The following ERCC4 variants were observed in gnomAD, a reference collection of about 807,000 sequenced individuals.
ERCC4 encodes the protein ERCC excision repair 4, endonuclease catalytic subunit, also known as DNA repair endonuclease XPF.
ERCC4 carries 65 observed loss-of-function variants against 76.9 expected under a neutral mutation model. The observed-to-expected ratio is 0.84, with a 90% CI of 0.69 to 1.04. The LOEUF (loss-of-function observed/expected upper bound fraction) is 1.04, where lower values mean the gene tolerates loss of function less well. Ranked by LOEUF, ERCC4 falls within the 50% of genes least tolerant of loss-of-function variation. The pLI, the probability that ERCC4 is intolerant of heterozygous loss-of-function variation, is 0.00. For missense variants in ERCC4, 1,214 were observed against 1,128.2 expected (o/e 1.08, Z -1.09); for synonymous variants, 463 against 410.1 (o/e 1.13, Z -1.56).
Position 13,948,176 on chromosome 16 carries a change from C to G in ERCC4, c.2580C>G (p.Ala860=). The change falls in exon 11 of 11, where the codon GCC becomes GCG. Residue 860 remains alanine (A), a synonymous_variant. Coordinates refer to ENST00000311895, the MANE Select transcript of ERCC4 (RefSeq NM_005236.3). The part of the protein sequence containing the change: ...DFLLKMPGVN[A]KNCRSLMHHV... ...TGTTAAAAATGCCAGGGGTGAATGC[C>G]AAAAACTGCCGCTCCTTGATGCACC... The G allele has an allele frequency of 1.2e-6, 2 of 1,614,092 alleles. No homozygotes were observed. The highest frequency in any genetic ancestry group is 1.7e-6 in the Non-Finnish European group (2 of 1,180,022).
At position 13,947,901 on chromosome 16, in the gene ERCC4, C is replaced by G; in HGVS notation, c.2305C>G (p.Leu769Val). 3 of 1,614,200 alleles carry G rather than the reference C, an allele frequency of 1.9e-6. No homozygotes were observed. Among genetic ancestry groups the G allele is most frequent in the Non-Finnish European group, 2.5e-6 (3 of 1,180,040 alleles). The stretch of plus-strand genomic sequence containing the variant: ...GTTTGACCCTAGCAAGCCTTTCTCT[C>G]TCACTTCCCGAGGTGCCTTGTTTCA... ...IEFDPSKPFS[L>V]TSRGALFQEI... is the part of the protein sequence containing the mutation. The change falls in exon 11 of 11, where the codon CTC becomes GTC. Residue 769 changes from leucine to valine, a missense_variant. Transcript: ENST00000311895.
At position 13,948,016 on chromosome 16, in the gene ERCC4, A is replaced by G; in HGVS notation, c.2420A>G (p.His807Arg). 1.2e-6 allele frequency: 2 copies of G among 1,614,074 alleles called. No individual in the cohort carries two copies. The highest frequency in any genetic ancestry group is 1.7e-6 in the Non-Finnish European group (2 of 1,180,006). Reference sequence around the variant, plus strand: ...CGGATTCTCTGGTGCCCCTCTCCTCATGCAACGGCGGAGTTGTTTGAGGAG... The same window carrying G: ...CGGATTCTCTGGTGCCCCTCTCCTCGTGCAACGGCGGAGTTGTTTGAGGAG... The part of the protein sequence containing the change: ...RLRILWCPSP[H>R]ATAELFEELK... The change falls in exon 11 of 11, where the codon CAT becomes CGT. Residue 807 changes from histidine to arginine, a missense_variant. By Grantham distance (29) the His-to-Arg change is conservative. Coordinates refer to ENST00000311895, the MANE Select transcript of ERCC4 (RefSeq NM_005236.3).
Position 13,949,793 on chromosome 16 carries a change from G to A in ERCC4, c.*1446G>A, listed in dbSNP as rs931846363. On this transcript the variant is annotated 3_prime_UTR_variant, in exon 11 of 11. Transcript: ENST00000311895. ...GGCTTTTGTTCACATGTTGAGTAAT[G>A]GGTAGTAAATTTTCTACCTCAGGAG... 4.3e-6 allele frequency: 1 copy of A among 231,702 alleles called. No homozygotes were observed. Among genetic ancestry groups the A allele is most frequent in the African/African-American group, 2.2e-5 (1 of 45,208 alleles). 14.4% of individuals were successfully genotyped at this position (231,702 alleles called of 1,614,324 possible). A position where few individuals can be genotyped will look rare whatever the true frequency, so the allele number is the denominator to read the frequency against.
chr16:13,935,101 G>A (rs2141606677), intron 7 of ERCC4, 45 bp from the exon 8 acceptor site: 1 of 1,415,788 alleles, frequency 7.1e-7, no homozygotes, highest in Non-Finnish European at 1.0e-6. Flanking sequence ...GAAACTAGGA[G>A]GACAAGTGAG....
intron 8 of ERCC4, among the ~76,000 whole-genome samples, chr16:13,937,488 T>G (rs535992722): frequency 6.6e-5 from 10 of 152,316 alleles, no homozygotes; most frequent in African/African-American, 2.4e-4. Context: ...GAGGAGAGAA[T>G]TATTCTATCC....
intron 5 of ERCC4, chr16:13,931,384 C>T (rs2032168630): frequency 6.2e-6 from 1 of 162,594 alleles, no homozygotes; most frequent in African/African-American, 2.4e-5. Context: ...CAGCGGTTTT[C>T]AAAGTGTGGT....
intron 9 of ERCC4, among the ~76,000 whole-genome samples, chr16:13,943,251 C>A (rs1157282081): frequency 6.6e-6 from 1 of 152,106 alleles, no homozygotes; most frequent in Non-Finnish European, 1.5e-5. Context: ...GTGTATTAGT[C>A]CATTTTCATA....
At chr16:13,924,228 C>G (rs1381604708) in intron 2 of ERCC4, among the ~76,000 whole-genome samples, 2 of 152,298 alleles carry the variant, frequency 1.3e-5, no homozygotes, top group East Asian at 3.9e-4. Flanking sequence ...AACTTCTTCA[C>G]CTGTCACCAC....
chr16:13,933,953 C>T, intron 6 of ERCC4: 1 of 435,448 alleles, frequency 2.3e-6, no homozygotes, highest in East Asian at 4.2e-5. Flanking sequence ...CATTAGTGAC[C>T]ATGCATATAA....
Position 13,920,330 on chromosome 16 carries a change from AGCCTGCCTGGTGCTG to A in ERCC4, c.167_181del (p.Ala56_Leu60del). ...ACTTTCTCCAGCTGCACTGCCACCC[AGCCTGCCTGGTGCTG>A]GTGCTCAACACGCAGCCGGCCGAGG... On this transcript the variant is annotated inframe_deletion, in exon 1 of 11. Coordinates refer to ENST00000311895, the MANE Select transcript of ERCC4 (RefSeq NM_005236.3). 1 of 1,598,984 alleles carries A rather than the reference AGCCTGCCTGGTGCTG, an allele frequency of 6.3e-7. No individual in the cohort carries two copies. The highest frequency in any genetic ancestry group is 8.5e-7 in the Non-Finnish European group (1 of 1,178,800).
rs3136164 is a variant in ERCC4, at chr16:13,938,014, A to C, written c.1904+156A>C. Reference sequence around the variant, plus strand: ...TGTGGTCTGAATTGTCCTCCAGTGTAGATCTCAGCACATACTTCCTTTTTC... The same window carrying C: ...TGTGGTCTGAATTGTCCTCCAGTGTCGATCTCAGCACATACTTCCTTTTTC... On this transcript the variant is annotated intron_variant, in intron 9 of 10. Transcript: ENST00000311895. Among the ~76,000 whole-genome samples the C allele has an allele frequency of 0.036, 5,509 of 152,092 alleles. 321 individuals are homozygous for C. Among genetic ancestry groups the C allele is most frequent in the African/African-American group, 0.12 (5,132 of 41,452 alleles).
At chr16:13,932,466 G>A (rs1353090967) in intron 6 of ERCC4, 181 bp downstream of exon 6, 8 of 635,824 alleles carry the variant, frequency 1.3e-5, no homozygotes, top group Non-Finnish European at 2.2e-5. Flanking sequence ...TAAAGTATAT[G>A]TGTAATGTAT....
At chr16:13,945,720 C>T (rs1470389608) in intron 10 of ERCC4, among the ~76,000 whole-genome samples, 1 of 152,172 alleles carries the variant, frequency 6.6e-6, no homozygotes. Context: ...AACATTGCCT[C>T]AGAGCCTCTG....
rs759528420 is a variant in ERCC4 at position 13,944,674 on chromosome 16, AGAATTTT to A, written c.1905-45_1905-39del. ...CTACAATTTACACACAATAAAATCT[AGAATTTT>A]GAAATTTGTTTCAGAAGTGTTGACA... On this transcript the variant is annotated intron_variant, in intron 9 of 10. Transcript: ENST00000311895. 2.5e-5 allele frequency: 31 copies of A among 1,228,514 alleles called. No homozygotes were observed. In the Admixed American group the frequency reaches 4.2e-4, roughly 17 times the overall value. 76.1% of individuals were successfully genotyped at this position (1,228,514 alleles called of 1,614,324 possible). A position where few individuals can be genotyped will look rare whatever the true frequency, so the allele number is the denominator to read the frequency against.
At chr16:13,929,314 T>C (rs1231400838) in intron 4 of ERCC4, among the ~76,000 whole-genome samples, 1 of 152,208 alleles carries the variant, frequency 6.6e-6, no homozygotes, top group Non-Finnish European at 1.5e-5. Context: ...AAAAAAGGCA[T>C]GTAGTTATAT....
Position 13,948,406 on chromosome 16 carries a change from A to G in ERCC4, c.*59A>G. The G allele has an allele frequency of 6.5e-7, 1 of 1,545,502 alleles. No homozygotes were observed. The highest frequency in any genetic ancestry group is 8.8e-7 in the Non-Finnish European group (1 of 1,130,312). On this transcript the variant is annotated 3_prime_UTR_variant, in exon 11 of 11. Transcript: ENST00000311895. ...ACTTTTCAGCGGCTCCTTGCCAGAC[A>G]TCATAGGTCATTATTAATTATTGGT...
intron 9 of ERCC4, among the ~76,000 whole-genome samples, chr16:13,944,401 A>G (rs551284963): frequency 6.6e-6 from 1 of 152,232 alleles, no homozygotes; most frequent in African/African-American, 2.4e-5. Context: ...TCTTGGTGGC[A>G]TTTTTTACAT....
rs2032080550 is a variant in ERCC4, at chr16:13,926,756, G to C, written c.584G>C (p.Arg195Thr). The C allele has an allele frequency of 6.2e-7, 1 of 1,608,112 alleles. No homozygotes were observed. The highest frequency in any genetic ancestry group is 8.5e-7 in the Non-Finnish European group (1 of 1,174,730). ...LFVRKLYLWP[R>T]FHVAVNSFLE... Reference sequence around the variant, plus strand: ...GTGAGGAAACTGTATCTGTGGCCAAGGTAAAGAACATTATGTGACAAATAA... The same window carrying C: ...GTGAGGAAACTGTATCTGTGGCCAACGTAAAGAACATTATGTGACAAATAA... Residue 195 changes from arginine to threonine, a missense_variant and splice_region_variant, in exon 3 of 11, where the codon AGG (arginine) becomes ACG (threonine). Transcript: ENST00000311895.
intron 6 of ERCC4, chr16:13,933,045 CAAAAAAAAAA>C (rs11337706): frequency 9.3e-6 from 2 of 215,840 alleles, no homozygotes; most frequent in Non-Finnish European, 8.4e-6. Context: ...GACTCGGTCT[CAAAAAAAAAA>C]AAAAAAAAAA....
Sources: gnomAD v4.1 joint callset for allele counts (sites outside exome capture counted in the v4.1 genomes callset) on GRCh38, gnomAD v4.1.1 for gene constraint, MANE v1.5 for transcripts, NCBI Gene and HGNC (gene_info 2026-07-23, HGNC 2026-07-21) for gene names.